Variants in CNTNAP4 observed in about 807,000 individuals in gnomAD.
The protein encoded by CNTNAP4 is contactin-associated protein-like 4.
Under a neutral mutation model 148.4 loss-of-function variants are expected in CNTNAP4, and 98 were observed. The observed-to-expected ratio is 0.66, with a 90% CI of 0.56 to 0.78. The LOEUF (loss-of-function observed/expected upper bound fraction) is 0.78, where lower values mean the gene tolerates loss of function less well. Among genes scored for constraint, CNTNAP4 ranks in the 30% least tolerant of loss-of-function variants. The pLI, the probability that CNTNAP4 is intolerant of heterozygous loss-of-function variation, is 0.00. For synonymous variants in CNTNAP4, 730 were observed against 565.1 expected (o/e 1.29, Z -4.14); for missense variants, 1,935 against 1,565.6 (o/e 1.24, Z -3.98).
At chr16:76,298,481 C>CGTGTGTGT (rs1567616723) in intron 1 of CNTNAP4, among the ~76,000 whole-genome samples, 2 of 134,832 alleles carry the variant, frequency 1.5e-5, no homozygotes, top group African/African-American at 5.6e-5. Context: ...CATGTGTGTA[C>CGTGTGTGT]ATGTATGTGT....
At chr16:76,461,553 CTAAA>C (rs1336203731) in intron 8 of CNTNAP4, among the ~76,000 whole-genome samples, 3 of 152,108 alleles carry the variant, frequency 2.0e-5, no homozygotes, top group African/African-American at 7.2e-5. Flanking sequence ...GTATAGTTTG[CTAAA>C]TACTCTATTA....
At position 76,535,542 on chromosome 16, in the gene CNTNAP4, T is replaced by C. The variant is rs1199120723; in HGVS notation, c.2756-3T>C. Reference sequence around the variant, plus strand: ...GTTTCCATTTGCAGTATTTCCCTTTTAGGTGGAACGGCCACCAGACAGAGA... The same window carrying C: ...GTTTCCATTTGCAGTATTTCCCTTTCAGGTGGAACGGCCACCAGACAGAGA... On this transcript the variant is annotated splice_polypyrimidine_tract_variant and splice_region_variant and intron_variant, in intron 17 of 23. Coordinates refer to ENST00000611870, the MANE Select transcript of CNTNAP4 (RefSeq NM_033401.5). 6.2e-7 allele frequency: 1 copy of C among 1,611,734 alleles called. No homozygotes were observed. The highest frequency in any genetic ancestry group is 8.5e-7 in the Non-Finnish European group (1 of 1,179,738).
chr16:76,372,399 C>T (rs1285698843), intron 3 of CNTNAP4, among the ~76,000 whole-genome samples: 4 of 151,778 alleles, frequency 2.6e-5, no homozygotes, highest in Admixed American at 6.6e-5. Context: ...CTGCCCGCCT[C>T]GGCCTCCCAA....
chr16:76,327,576 A>G (rs1963118030), intron 2 of CNTNAP4, among the ~76,000 whole-genome samples: 1 of 152,164 alleles, frequency 6.6e-6, no homozygotes, highest in African/African-American at 2.4e-5. Flanking sequence ...AATTGCAGTG[A>G]CCAAATCCAG....
intron 2 of CNTNAP4, 47 bp from the exon 3 acceptor site, chr16:76,355,271 C>G: frequency 7.1e-7 from 1 of 1,398,858 alleles, no homozygotes; most frequent in South Asian, 1.6e-5. Context: ...AGATTTTTAA[C>G]TAACTTTCCT....
intron 10 of CNTNAP4, among the ~76,000 whole-genome samples, chr16:76,474,753 C>G (rs1003571124): frequency 7.9e-5 from 12 of 152,162 alleles, no homozygotes; most frequent in Middle Eastern, 3.4e-3. Context: ...CTATGGTGCC[C>G]TATGTGTCTC....
chr16:76,475,049 A>G (rs1156432440), intron 10 of CNTNAP4, among the ~76,000 whole-genome samples: 1 of 152,056 alleles, frequency 6.6e-6, no homozygotes, highest in Non-Finnish European at 1.5e-5. Flanking sequence ...AATCCCAGCT[A>G]CTCCAGAGGC....
chr16:76,489,769 T>G lies in CNTNAP4; in HGVS notation c.1966T>G (p.Phe656Val). Residue 656 changes from phenylalanine to valine, a missense_variant, in exon 13 of 24, where the codon TTT becomes GTT. Physicochemically the swap from Phe to Val is conservative, Grantham distance 50. Coordinates refer to ENST00000611870, the MANE Select transcript of CNTNAP4 (RefSeq NM_033401.5). Reference sequence around the variant, plus strand: ...TAATCCAGAGAACCCATATGCTGGGTTTTTCGAGTATGTGGCCAGCATGGA... The same window carrying G: ...TAATCCAGAGAACCCATATGCTGGGGTTTTCGAGTATGTGGCCAGCATGGA... ...NTNPENPYAG[F>V]FEYVASMEQL... is the part of the protein sequence containing the mutation. The G allele has an allele frequency of 6.2e-7, 1 of 1,604,134 alleles. No individual in the cohort carries two copies. Among genetic ancestry groups the G allele is most frequent in the Non-Finnish European group, 8.5e-7 (1 of 1,174,938 alleles).
At chr16:76,531,775 AAAGGAAAAATTCTAAAT>A (rs1376226254) in intron 17 of CNTNAP4, among the ~76,000 whole-genome samples, 2 of 152,176 alleles carry the variant, frequency 1.3e-5, no homozygotes, top group African/African-American at 4.8e-5. Context: ...ACCTAACAGT[AAAGGAAAAATTCTAAAT>A]ACATGTATGA....
chr16:76,338,504 C>T (rs1014086797), intron 2 of CNTNAP4, among the ~76,000 whole-genome samples: 1 of 152,136 alleles, frequency 6.6e-6, no homozygotes, highest in African/African-American at 2.4e-5. Flanking sequence ...TGTGGCCTTC[C>T]AGTGTCCCAC....
intron 2 of CNTNAP4, among the ~76,000 whole-genome samples, chr16:76,317,042 G>C (rs1246754673): frequency 6.6e-6 from 1 of 151,904 alleles, no homozygotes; most frequent in African/African-American, 2.4e-5. Context: ...GAGGTGGGAA[G>C]ATCACTTGAA....
chr16:76,407,856 A>G (rs755345626), intron 3 of CNTNAP4, among the ~76,000 whole-genome samples: 2 of 152,100 alleles, frequency 1.3e-5, no homozygotes, highest in Non-Finnish European at 2.9e-5. Flanking sequence ...GAAATATCAA[A>G]TGGCATCACA....
At chr16:76,364,147 G>C (rs1392291677) in intron 3 of CNTNAP4, among the ~76,000 whole-genome samples, 1 of 128,892 alleles carries the variant, frequency 7.8e-6, no homozygotes, top group African/African-American at 2.9e-5. Context: ...TGAGGCATGA[G>C]AATCACTAGA....
At chr16:76,282,072 G>A (rs1333374136) in intron 1 of CNTNAP4, among the ~76,000 whole-genome samples, 1 of 151,756 alleles carries the variant, frequency 6.6e-6, no homozygotes, top group Non-Finnish European at 1.5e-5. Flanking sequence ...GATAAGACAT[G>A]AAAAGTGTAT....
intron 3 of CNTNAP4, among the ~76,000 whole-genome samples, chr16:76,415,968 T>C (rs889977206): frequency 6.6e-6 from 1 of 150,966 alleles, no homozygotes; most frequent in African/African-American, 2.4e-5. Flanking sequence ...TTGTCAATTA[T>C]TCATTCTTTT....
At position 76,448,938 on chromosome 16, in the gene CNTNAP4, A is replaced by C; in HGVS notation, c.914A>C (p.Asn305Thr). 6.2e-7 allele frequency: 1 copy of C among 1,612,724 alleles called. No individual in the cohort carries two copies. The highest frequency in any genetic ancestry group is 1.1e-5 in the South Asian group (1 of 90,898). ...FHARGEFNLM[N>T]LDYEISFGGI... ...GCACGGGGAGAATTCAATCTCATGA[A>C]TCTTGATTATGAGGTGTGATGGTTA... The change falls in exon 6 of 24, where the codon AAT (asparagine) becomes ACT (threonine). Residue 305 changes from asparagine (N) to threonine (T), a missense_variant. Transcript: ENST00000611870.
chr16:76,503,490 A>G (rs4430774), intron 15 of CNTNAP4, among the ~76,000 whole-genome samples: 80,953 of 152,052 alleles, frequency 0.53, 25,346 homozygotes, highest in East Asian at 0.78. Context: ...GAGTTTAGCA[A>G]AGTCACAGGA....
chr16:76,441,275 T>A (rs769741527), intron 4 of CNTNAP4, among the ~76,000 whole-genome samples: 1 of 152,090 alleles, frequency 6.6e-6, no homozygotes, highest in African/African-American at 2.4e-5. Context: ...CACAGAAAGC[T>A]CTCCATAAAT....
intron 3 of CNTNAP4, among the ~76,000 whole-genome samples, chr16:76,367,748 A>G (rs575620619): frequency 1.7e-4 from 26 of 152,334 alleles, no homozygotes; most frequent in Admixed American, 4.6e-4. Context: ...ACTTTTAAAT[A>G]TCTGAATAAC....
Sources: gnomAD v4.1 joint callset for allele counts (sites outside exome capture counted in the v4.1 genomes callset) on GRCh38, gnomAD v4.1.1 for gene constraint, MANE v1.5 for transcripts, NCBI Gene and HGNC (gene_info 2026-07-23, HGNC 2026-07-21) for gene names.